Variants in MTMR9 observed in about 807,000 individuals in gnomAD.
The protein encoded by MTMR9 is myotubularin-related protein 9.
In MTMR9, 39 loss-of-function variants were observed where a neutral mutation model predicts 69.5. The ratio of observed to expected loss-of-function variants is 0.56; its 90% CI spans 0.43 to 0.73. The LOEUF (loss-of-function observed/expected upper bound fraction) is 0.73, where lower values mean the gene tolerates loss of function less well. Ranked by LOEUF, MTMR9 falls within the 30% of genes least tolerant of loss-of-function variation. MTMR9 has a pLI of 0.00. For synonymous variants in MTMR9, 354 were observed against 240.8 expected (o/e 1.47, Z -4.35); for missense variants, 900 against 671.2 (o/e 1.34, Z -3.77).
downstream of MTMR9, chr8:11,331,768 C>A: frequency 5.0e-6 from 8 of 1,611,990 alleles, no homozygotes; most frequent in Non-Finnish European, 6.8e-6. Flanking sequence ...TGCCTCCCAA[C>A]AGTGGCCTTC....
At position 11,288,824 on chromosome 8, in the gene MTMR9, G is replaced by T. The variant is rs188439994; in HGVS notation, c.182+3754G>T. Among the ~76,000 whole-genome samples the T allele has an allele frequency of 5.1e-4, 77 of 152,330 alleles. 1 individual carries two copies. The East Asian group carries it at 0.014, about 27-fold the overall frequency. On this transcript the variant is annotated intron_variant, in intron 1 of 9. Coordinates refer to ENST00000221086, the MANE Select transcript of MTMR9 (RefSeq NM_015458.4). ...GCTGCTGGCAGAAAATAAACTGTAG[G>T]GGGGCAAGACTGGAAGCAGCAGGCC... is the stretch of plus-strand genomic sequence containing the variant.
At position 11,325,963 on chromosome 8, in the gene MTMR9, A is replaced by G. The variant is rs985822532; in HGVS notation, c.*3175A>G. ...CAGATCCCATATGGGGGATTTTTAA[A>G]CATTTCTTTGAACTTTGAGGCCTGA... On this transcript the variant is annotated 3_prime_UTR_variant, in exon 10 of 10. Transcript: ENST00000221086. 2 of 152,120 alleles carry G rather than the reference A, an allele frequency of 1.3e-5. No homozygotes were observed. Among genetic ancestry groups the G allele is most frequent in the African/African-American group, 4.8e-5 (2 of 41,418 alleles). The allele number at this position is 152,120 out of a possible 1,614,324, so 9.4% of individuals were successfully genotyped here.
chr8:11,336,163 C>A, the MTMR9 span, among the ~76,000 whole-genome samples: 2 of 152,216 alleles, frequency 1.3e-5, no homozygotes, highest in African/African-American at 4.8e-5. Flanking sequence ...AGTGCCATAT[C>A]AAGAGCTCAG....
In MTMR9 at chr8:11,303,383, G is replaced by T. The variant is rs1423403815; in HGVS notation, c.418-1458G>T. Among the ~76,000 whole-genome samples, 3 of 151,708 alleles carry T rather than the reference G, an allele frequency of 2.0e-5. No homozygotes were observed. In the East Asian group the frequency reaches 5.8e-4, roughly 29 times the overall value. ...CAAGAAATAACAGTATTATCATGTT[G>T]TTTAGAAATGTAAAGGTAAACACTG... is the stretch of plus-strand genomic sequence containing the variant. On this transcript the variant is annotated intron_variant, in intron 3 of 9. Transcript: ENST00000221086.
Position 11,326,120 on chromosome 8 carries a change from T to G in MTMR9, c.*3332T>G, listed in dbSNP as rs1436310752. The G allele has an allele frequency of 6.6e-6, 1 of 152,244 alleles. No individual in the cohort carries two copies. The highest frequency in any genetic ancestry group is 2.4e-5 in the African/African-American group (1 of 41,464). 9.4% of individuals were successfully genotyped at this position (152,244 alleles called of 1,614,324 possible). On this transcript the variant is annotated 3_prime_UTR_variant, in exon 10 of 10. Transcript: ENST00000221086. Reference sequence around the variant, plus strand: ...TCATGGAAAAGATATGACCATAATTTAGTCTCCTCAAGTGAAAAACAGGAG... The same window carrying G: ...TCATGGAAAAGATATGACCATAATTGAGTCTCCTCAAGTGAAAAACAGGAG...
intron 1 of MTMR9, among the ~76,000 whole-genome samples, chr8:11,294,174 G>A (rs752932601): frequency 6.6e-6 from 1 of 152,122 alleles, no homozygotes; most frequent in East Asian, 1.9e-4. Context: ...TTACACAATC[G>A]TCATCTGCAA....
At position 11,315,041 on chromosome 8, in the gene MTMR9, C is replaced by G. The variant is rs1267984514; in HGVS notation, c.1090C>G (p.Leu364Val). 3.1e-6 allele frequency: 5 copies of G among 1,613,634 alleles called. No individual in the cohort carries two copies. The highest frequency in any genetic ancestry group is 2.2e-5 in the East Asian group (1 of 44,874). ...CAGGACCATTCGTGGTTTTGAGGCC[C>G]TGATTGAAAGAGAGTGGCTGCAGGT... Reference protein sequence around the residue: ...RSRTIRGFEALIEREWLQAGH... With the variant: ...RSRTIRGFEAVIEREWLQAGH... The change falls in exon 7 of 10, where the codon CTG becomes GTG. Residue 364 changes from leucine to valine, a missense_variant. Physicochemically the swap from Leu to Val is conservative, Grantham distance 32. Coordinates refer to ENST00000221086, the MANE Select transcript of MTMR9 (RefSeq NM_015458.4).
At chr8:11,298,996 T>A (rs185907856) in intron 2 of MTMR9, 1 of 557,720 alleles carries the variant, frequency 1.8e-6, no homozygotes, top group African/African-American at 2.1e-5. Flanking sequence ...AGAGAGGAAA[T>A]GAACATTGAT....
chr8:11,308,650 A>G (rs556319139), intron 5 of MTMR9, among the ~76,000 whole-genome samples: 2 of 152,336 alleles, frequency 1.3e-5, no homozygotes, highest in East Asian at 1.9e-4. Context: ...TGTTCACAGT[A>G]GTCTCTTATG....
At chr8:11,296,127 A>T (rs1424719570) in intron 2 of MTMR9, among the ~76,000 whole-genome samples, 2 of 152,180 alleles carry the variant, frequency 1.3e-5, no homozygotes, top group African/African-American at 4.8e-5. Flanking sequence ...TATTACATGT[A>T]TTAGTACATT....
intron 8 of MTMR9, 48 bp from the exon 9 acceptor site, chr8:11,319,639 G>A: frequency 6.3e-7 from 1 of 1,596,204 alleles, no homozygotes; most frequent in Non-Finnish European, 8.6e-7. Flanking sequence ...ACTCAATAAT[G>A]GTTGTTATAA....
chr8:11,333,894 G>A, the MTMR9 span, among the ~76,000 whole-genome samples: 15,610 of 152,280 alleles, frequency 0.1, 1,086 homozygotes, highest in Non-Finnish European at 0.16. Flanking sequence ...TTAAGAGGTG[G>A]AACCTTTAAG....
chr8:11,299,952 A>G, intron 2 of MTMR9, 71 bp from the exon 3 acceptor site: 4 of 1,546,916 alleles, frequency 2.6e-6, no homozygotes, highest in East Asian at 2.3e-5. Context: ...GCTTAATACT[A>G]ATTTGTCAGT....
Position 11,295,287 on chromosome 8 carries a change from A to G in MTMR9, c.276A>G (p.Ile92Met), listed in dbSNP as rs145260713. ...DIPGMEECLN[I>M]ASSIEALSTL... ...CTGGAATGGAGGAATGCTTGAATAT[A>G]GCCAGTTCCATTGAGGTAAGTATTT... The change falls in exon 2 of 10, where the codon ATA becomes ATG. Residue 92 changes from isoleucine to methionine, a missense_variant. Transcript: ENST00000221086. 108 of 1,592,308 alleles carry G rather than the reference A, an allele frequency of 6.8e-5. No homozygotes were observed. Among genetic ancestry groups the G allele is most frequent in the Non-Finnish European group, 9.2e-5 (107 of 1,162,312 alleles).
downstream of MTMR9, chr8:11,331,825 T>G (rs1417170174): frequency 6.2e-7 from 1 of 1,611,782 alleles, no homozygotes; most frequent in African/African-American, 1.3e-5. Flanking sequence ...GGCCTCTTTG[T>G]GCTGCAGACC....
intron 9 of MTMR9, chr8:11,321,649 C>G (rs948283438): frequency 5.5e-6 from 2 of 366,158 alleles, no homozygotes; most frequent in Non-Finnish European, 1.1e-5. Flanking sequence ...TGGTAGGCAT[C>G]TATATTGAAT....
chr8:11,322,634 T>G lies in MTMR9; in HGVS notation c.1496T>G (p.Leu499Arg). ...QSLPLWEGIF[L>R]RWNRSSKYLD... ...TTCCTGGATTCAATAGGTATTTTCC[T>G]ACGTTGGAATAGATCCTCTAAGTAT... Residue 499 changes from leucine to arginine, a missense_variant, in exon 10 of 10, where the codon CTA becomes CGA. Coordinates refer to ENST00000221086, the MANE Select transcript of MTMR9 (RefSeq NM_015458.4). The G allele has an allele frequency of 6.2e-7, 1 of 1,613,484 alleles. No individual in the cohort carries two copies. Among genetic ancestry groups the G allele is most frequent in the South Asian group, 1.1e-5 (1 of 90,944 alleles).
intron 2 of MTMR9, among the ~76,000 whole-genome samples, chr8:11,295,564 G>A (rs2117372484): frequency 6.6e-6 from 1 of 152,250 alleles, no homozygotes; most frequent in East Asian, 1.9e-4. Context: ...TGGCTTTGTG[G>A]AATTTCCATG....
At chr8:11,290,528 A>T (rs1224864213) in intron 1 of MTMR9, among the ~76,000 whole-genome samples, 1 of 152,090 alleles carries the variant, frequency 6.6e-6, no homozygotes, top group East Asian at 1.9e-4. Flanking sequence ...CCCTGTCCCC[A>T]AATCACCAGG....
Sources: allele counts gnomAD v4.1 joint callset (sites outside exome capture counted in the v4.1 genomes callset), GRCh38; gene constraint gnomAD v4.1.1; transcripts MANE v1.5; gene names NCBI Gene and HGNC (gene_info 2026-07-23, HGNC 2026-07-21).